Variants in CDH13 observed in about 807,000 individuals in gnomAD.
CDH13 encodes cadherin 13, also known as cadherin-13.
Under a neutral mutation model 63.8 loss-of-function variants are expected in CDH13, and 24 were observed. The ratio of observed to expected loss-of-function variants is 0.38; its 90% CI spans 0.27 to 0.53. CDH13 has a LOEUF of 0.53. CDH13 is among the 20% of genes least tolerant of loss of function. The pLI, the probability that CDH13 is intolerant of heterozygous loss-of-function variation, is 0.85. For synonymous variants in CDH13, 503 were observed against 355.3 expected, an observed-to-expected ratio of 1.42 and a Z score of -4.67; for missense variants, 1,049 against 903.1, an observed-to-expected ratio of 1.16 and a Z score of -2.07.
intron 4 of CDH13, among the ~76,000 whole-genome samples, chr16:83,132,448 C>G (rs1259698343): frequency 5.1e-5 from 5 of 97,188 alleles, no homozygotes; most frequent in Non-Finnish European, 8.1e-5. Flanking sequence ...CCCCAACACC[C>G]CCCCCTTTTT....
At chr16:83,739,600 C>T (rs1441629256) in intron 10 of CDH13, among the ~76,000 whole-genome samples, 2 of 152,158 alleles carry the variant, frequency 1.3e-5, no homozygotes, top group Non-Finnish European at 2.9e-5. Flanking sequence ...CAGCATGTAT[C>T]AGATCCAAGG....
intron 10 of CDH13, among the ~76,000 whole-genome samples, chr16:83,684,193 G>A (rs1238603990): frequency 1.3e-5 from 2 of 151,876 alleles, no homozygotes; most frequent in Non-Finnish European, 2.9e-5. Flanking sequence ...ATGACGAAAC[G>A]CCATCTCTAC....
chr16:82,870,537 C>G (rs933059296), intron 2 of CDH13, among the ~76,000 whole-genome samples: 2 of 151,904 alleles, frequency 1.3e-5, no homozygotes, highest in Non-Finnish European at 2.9e-5. Flanking sequence ...AATGGGTACA[C>G]AAATACAGCT....
intron 6 of CDH13, among the ~76,000 whole-genome samples, chr16:83,453,492 G>T (rs572762479): frequency 2.0e-5 from 3 of 152,110 alleles, no homozygotes; most frequent in Admixed American, 2.0e-4. Flanking sequence ...ACTTAGCATC[G>T]TGTCTGACAT....
intron 1 of CDH13, among the ~76,000 whole-genome samples, chr16:82,696,219 A>G (rs976833631): frequency 1.3e-5 from 2 of 152,162 alleles, no homozygotes; most frequent in African/African-American, 4.8e-5. Flanking sequence ...GCATAATTCT[A>G]TTGTGTTGCT....
At chr16:83,658,160 C>T (rs1913059650) in intron 8 of CDH13, among the ~76,000 whole-genome samples, 2 of 147,546 alleles carry the variant, frequency 1.4e-5, no homozygotes, top group African/African-American at 5.0e-5. Context: ...CACCAGGTCC[C>T]ATGTCCTCAC....
chr16:82,865,680 A>G (rs879917837), intron 2 of CDH13, among the ~76,000 whole-genome samples: 8 of 152,194 alleles, frequency 5.3e-5, no homozygotes, highest in Non-Finnish European at 1.2e-4. Flanking sequence ...AAGACCTCTG[A>G]GATGCCCTGG....
intron 2 of CDH13, among the ~76,000 whole-genome samples, chr16:82,978,145 C>T (rs1909778640): frequency 6.6e-6 from 1 of 152,124 alleles, no homozygotes; most frequent in Non-Finnish European, 1.5e-5. Context: ...GCAGCAGAGC[C>T]TTCAAGAGGT....
chr16:83,400,811 G>A (rs1015284502), intron 6 of CDH13, among the ~76,000 whole-genome samples: 8 of 152,114 alleles, frequency 5.3e-5, no homozygotes, highest in African/African-American at 1.7e-4. Flanking sequence ...AGAATGGCAC[G>A]TACCTGGCCT....
chr16:82,747,472 G>A (rs1056825855), intron 1 of CDH13, among the ~76,000 whole-genome samples: 1 of 152,078 alleles, frequency 6.6e-6, no homozygotes, highest in Non-Finnish European at 1.5e-5. Context: ...ATTTTTTAGT[G>A]CAGTGCTTCT....
intron 10 of CDH13, among the ~76,000 whole-genome samples, chr16:83,705,672 T>G (rs1255170941): frequency 6.6e-6 from 1 of 152,324 alleles, no homozygotes; most frequent in East Asian, 1.9e-4. Flanking sequence ...TTAAGCTTTA[T>G]TGAGCAACTA....
intron 6 of CDH13, among the ~76,000 whole-genome samples, chr16:83,472,422 A>G (rs1532100): frequency 1 from 151,715 of 152,348 alleles, 75,544 homozygotes; most frequent in Middle Eastern, 1. Flanking sequence ...GGCTGGAGAT[A>G]TGAGACTGGG....
In CDH13 at chr16:83,385,208, A is replaced by T. The variant is rs187569998; in HGVS notation, c.781+40202A>T. On this transcript the variant is annotated intron_variant, in intron 6 of 13. Transcript: ENST00000567109. The stretch of plus-strand genomic sequence containing the variant: ...GAGGCATCAGCTGGAGGTAGTAGTC[A>T]ATGAGAGAGAATCATTGTTTCCATT... 2.5e-3 allele frequency among the ~76,000 whole-genome samples: 378 copies of T among 152,372 alleles called. 2 individuals are homozygous for T. Among genetic ancestry groups the T allele is most frequent in the African/African-American group, 8.8e-3 (366 of 41,588 alleles).
intron 2 of CDH13, among the ~76,000 whole-genome samples, chr16:82,966,726 A>G (rs1048018507): frequency 2.0e-5 from 3 of 152,176 alleles, no homozygotes; most frequent in African/African-American, 7.2e-5. Flanking sequence ...ACATATTATC[A>G]CATTTACTTA....
intron 4 of CDH13, among the ~76,000 whole-genome samples, chr16:83,179,578 G>A (rs2038265650): frequency 6.6e-6 from 1 of 151,786 alleles, no homozygotes; most frequent in Non-Finnish European, 1.5e-5. Context: ...AGTGAACCCG[G>A]GAGGTGGAGC....
chr16:83,446,313 A>AAAAG (rs1382682278), intron 6 of CDH13, among the ~76,000 whole-genome samples: 8 of 151,758 alleles, frequency 5.3e-5, no homozygotes, highest in Non-Finnish European at 1.0e-4. Context: ...AAAAAAAAAA[A>AAAAG]AAAGAAAGAA....
At chr16:83,248,001 A>G (rs1470915211) in intron 5 of CDH13, among the ~76,000 whole-genome samples, 1 of 152,176 alleles carries the variant, frequency 6.6e-6, no homozygotes, top group East Asian at 1.9e-4. Flanking sequence ...TTGAGTGGAA[A>G]GAGTAGAAAG....
At chr16:83,594,351 G>A (rs1344083813) in intron 7 of CDH13, among the ~76,000 whole-genome samples, 1 of 152,186 alleles carries the variant, frequency 6.6e-6, no homozygotes, top group Non-Finnish European at 1.5e-5. Flanking sequence ...GGAAATGGAG[G>A]CAGTGAGAAC....
At chr16:82,928,428 G>C (rs2042374640) in intron 2 of CDH13, among the ~76,000 whole-genome samples, 1 of 152,094 alleles carries the variant, frequency 6.6e-6, no homozygotes. Flanking sequence ...TTTTGACACA[G>C]ACCATTAACT....
Sources: allele counts gnomAD v4.1 joint callset (sites outside exome capture counted in the v4.1 genomes callset), GRCh38; gene constraint gnomAD v4.1.1; transcripts MANE v1.5; gene names NCBI Gene and HGNC (gene_info 2026-07-23, HGNC 2026-07-21).